Variants in RANBP2 observed in about 807,000 individuals in gnomAD.
RANBP2 encodes RAN binding protein 2.
Under a neutral mutation model 303.6 loss-of-function variants are expected in RANBP2, and 57 were observed. The ratio of observed to expected loss-of-function variants is 0.19; its 90% CI spans 0.15 to 0.23. The LOEUF (loss-of-function observed/expected upper bound fraction) is 0.23, where lower values mean the gene tolerates loss of function less well. Among genes scored for constraint, RANBP2 ranks in the 10% least tolerant of loss-of-function variants. RANBP2 has a pLI of 1.00. For synonymous variants in RANBP2, 1,167 were observed against 1,301.5 expected (o/e 0.90, Z 2.23); for missense variants, 3,138 against 3,780.8 (o/e 0.83, Z 4.46).
chr2:109,457,016 G>A, the RANBP2 span, among the ~76,000 whole-genome samples: 1 of 152,184 alleles, frequency 6.6e-6, no homozygotes, highest in African/African-American at 2.4e-5. Flanking sequence ...ACCTGGGGTC[G>A]GCTGCCTAGT....
At chr2:108,996,345 A>G in the RANBP2 span, among the ~76,000 whole-genome samples, 2 of 152,178 alleles carry the variant, frequency 1.3e-5, no homozygotes, top group African/African-American at 4.8e-5. Context: ...AGTTTCTCAC[A>G]ATCCCAAACT....
chr2:109,560,758 A>G, the RANBP2 span, among the ~76,000 whole-genome samples: 1 of 152,152 alleles, frequency 6.6e-6, no homozygotes, highest in Non-Finnish European at 1.5e-5. Context: ...ACCTATCTAG[A>G]TGAATGCAGT....
chr2:108,981,412 G>A, the RANBP2 span, among the ~76,000 whole-genome samples: 2 of 152,288 alleles, frequency 1.3e-5, no homozygotes, highest in East Asian at 3.9e-4. Flanking sequence ...TCTTAGGTCT[G>A]GTATGACTGC....
chr2:109,135,282 C>T, the RANBP2 span, among the ~76,000 whole-genome samples: 1 of 152,226 alleles, frequency 6.6e-6, no homozygotes, highest in African/African-American at 2.4e-5. Context: ...TGCCTTTTCT[C>T]CTGAGGCGGT....
the RANBP2 span, among the ~76,000 whole-genome samples, chr2:109,412,121 G>A: frequency 0.066 from 9,984 of 152,314 alleles, 466 homozygotes; most frequent in East Asian, 0.26. Flanking sequence ...GTCGGTGGAT[G>A]CCGGCACAGA....
the RANBP2 span, among the ~76,000 whole-genome samples, chr2:109,374,733 A>G: frequency 6.6e-6 from 1 of 152,226 alleles, no homozygotes; most frequent in Non-Finnish European, 1.5e-5. Context: ...GGTCTCCTCC[A>G]CAGCCGCTCC....
the RANBP2 span, among the ~76,000 whole-genome samples, chr2:109,711,281 T>C: frequency 3.3e-5 from 5 of 151,928 alleles, no homozygotes; most frequent in Non-Finnish European, 7.4e-5. Context: ...CCTCACACCC[T>C]ATAAACGTCA....
chr2:108,879,025 T>G, the RANBP2 span, among the ~76,000 whole-genome samples: 8 of 151,752 alleles, frequency 5.3e-5, no homozygotes, highest in African/African-American at 1.9e-4. Flanking sequence ...AAGTTCTTTA[T>G]GGTCATGTTC....
At chr2:109,445,796 T>C in the RANBP2 span, among the ~76,000 whole-genome samples, 3 of 152,184 alleles carry the variant, frequency 2.0e-5, no homozygotes. Context: ...ATTTCATCCC[T>C]GAAGTGGGAA....
the RANBP2 span, among the ~76,000 whole-genome samples, chr2:109,379,123 T>G: frequency 6.6e-6 from 1 of 152,228 alleles, no homozygotes; most frequent in African/African-American, 2.4e-5. Context: ...TGCGTTCTGC[T>G]GTCCCATATC....
chr2:109,613,629 G>GC, the RANBP2 span: 1 of 389,908 alleles, frequency 2.6e-6, no homozygotes, highest in African/African-American at 2.1e-5. Context: ...CTCCTCTCCC[G>GC]CCCCAGGCGC....
chr2:109,127,031 C>A, the RANBP2 span, among the ~76,000 whole-genome samples: 7 of 152,142 alleles, frequency 4.6e-5, no homozygotes, highest in Admixed American at 2.0e-4. Context: ...CCATGCACTG[C>A]GAGGTGTGTG....
chr2:109,435,686 G>A, the RANBP2 span, among the ~76,000 whole-genome samples: 27 of 152,352 alleles, frequency 1.8e-4, no homozygotes, highest in South Asian at 4.3e-3. Flanking sequence ...AGAGGCAGAT[G>A]TGTGTCTGTA....
the RANBP2 span, among the ~76,000 whole-genome samples, chr2:108,931,387 G>A: frequency 2.6e-5 from 4 of 152,206 alleles, no homozygotes; most frequent in Non-Finnish European, 5.9e-5. Context: ...GGCCAGTCCT[G>A]GCCTCTGGGC....
chr2:109,461,071 G>T, the RANBP2 span, among the ~76,000 whole-genome samples: 2 of 152,254 alleles, frequency 1.3e-5, no homozygotes, highest in Non-Finnish European at 2.9e-5. Context: ...CAGCATAGCA[G>T]GAGTGGTGAC....
At chr2:109,333,160 G>A in the RANBP2 span, among the ~76,000 whole-genome samples, 17 of 152,162 alleles carry the variant, frequency 1.1e-4, no homozygotes, top group Non-Finnish European at 1.9e-4. Flanking sequence ...TCTTGCTCGC[G>A]GCAGCACCAG....
chr2:109,624,644 A>G, the RANBP2 span, among the ~76,000 whole-genome samples: 25 of 152,358 alleles, frequency 1.6e-4, no homozygotes, highest in East Asian at 4.6e-3. Flanking sequence ...GGGAGTCATT[A>G]GTGCCACCCT....
At chr2:109,551,973 A>G in the RANBP2 span, among the ~76,000 whole-genome samples, 1 of 152,220 alleles carries the variant, frequency 6.6e-6, no homozygotes, top group Non-Finnish European at 1.5e-5. Flanking sequence ...GTACTGGTCC[A>G]TGGCCTGTTA....
chr2:108,836,914 A>G, the RANBP2 span, among the ~76,000 whole-genome samples: 1 of 151,384 alleles, frequency 6.6e-6, no homozygotes, highest in Non-Finnish European at 1.5e-5. Context: ...TTGATTTTGT[A>G]TTCAGCAACT....
Sources: allele counts gnomAD v4.1 joint callset (sites outside exome capture counted in the v4.1 genomes callset), GRCh38; gene constraint gnomAD v4.1.1; transcripts MANE v1.5; gene names NCBI Gene and HGNC (gene_info 2026-07-23, HGNC 2026-07-21).